POLR1A: variants seen among roughly 807,000 people sequenced by gnomAD.
POLR1A encodes the protein RNA polymerase I subunit A.
POLR1A carries 84 observed loss-of-function variants against 205.3 expected under a neutral mutation model. That is an observed-to-expected ratio of 0.41 (90% CI 0.34 to 0.49). POLR1A has a LOEUF of 0.49. Among genes scored for constraint, POLR1A ranks in the 20% least tolerant of loss-of-function variants. The probability of loss-of-function intolerance (pLI) is 0.22; values close to 1 mark genes in which losing one functional copy is unlikely to be tolerated. For synonymous variants in POLR1A, 799 were observed against 863.7 expected (o/e 0.93, Z 1.31); for missense variants, 1,645 against 2,204.5 (o/e 0.75, Z 5.08).
At chr2:86,069,207 T>C (rs1325003768) in intron 13 of POLR1A, among the ~76,000 whole-genome samples, 2 of 152,264 alleles carry the variant, frequency 1.3e-5, no homozygotes, top group African/African-American at 4.8e-5. Flanking sequence ...ACGATTATTC[T>C]TCATACTCCA....
chr2:86,055,229 A>G (rs1672875711), intron 14 of POLR1A, among the ~76,000 whole-genome samples: 1 of 151,870 alleles, frequency 6.6e-6, no homozygotes, highest in Non-Finnish European at 1.5e-5. Flanking sequence ...CAGAAGGCAG[A>G]GATTGCAGTT....
chr2:86,087,532 T>C (rs1673524305), intron 6 of POLR1A, among the ~76,000 whole-genome samples: 3 of 152,236 alleles, frequency 2.0e-5, no homozygotes, highest in African/African-American at 7.2e-5. Context: ...AAGTGACAAT[T>C]GCAGGTTGTG....
At chr2:86,050,029 T>G (rs1054998727) in intron 16 of POLR1A, among the ~76,000 whole-genome samples, 2 of 152,118 alleles carry the variant, frequency 1.3e-5, no homozygotes, top group African/African-American at 4.8e-5. Context: ...GTGATTCTCC[T>G]GCCTCAGCCT....
At chr2:86,058,950 C>T (rs1573816031) in intron 14 of POLR1A, among the ~76,000 whole-genome samples, 1 of 151,602 alleles carries the variant, frequency 6.6e-6, no homozygotes, top group South Asian at 2.1e-4. Context: ...AACACCAGCT[C>T]TACAATAATA....
intron 27 of POLR1A, among the ~76,000 whole-genome samples, chr2:86,037,279 A>G (rs1421323886): frequency 6.6e-6 from 1 of 152,242 alleles, no homozygotes; most frequent in Non-Finnish European, 1.5e-5. Context: ...GGTGCTCCTG[A>G]GGCCCAGCCA....
intron 6 of POLR1A, among the ~76,000 whole-genome samples, chr2:86,085,251 G>A (rs1272654512): frequency 1.3e-5 from 2 of 151,944 alleles, no homozygotes; most frequent in Admixed American, 6.6e-5. Context: ...GTAAGCCACC[G>A]TGCCCGGCCC....
At chr2:86,060,559 C>A (rs936579657) in intron 14 of POLR1A, among the ~76,000 whole-genome samples, 37 of 152,150 alleles carry the variant, frequency 2.4e-4, no homozygotes, top group Non-Finnish European at 5.9e-5. Flanking sequence ...TGGTTTGTGA[C>A]ACAGGAGTAC....
intron 25 of POLR1A, among the ~76,000 whole-genome samples, chr2:86,039,796 T>A (rs975424798): frequency 7.2e-5 from 11 of 152,236 alleles, no homozygotes; most frequent in Non-Finnish European, 1.5e-5. Context: ...GCACCCACAG[T>A]GCTCCTGCTG....
chr2:86,101,251 T>C (rs1477688129), intron 1 of POLR1A, among the ~76,000 whole-genome samples: 1 of 152,106 alleles, frequency 6.6e-6, no homozygotes, highest in Non-Finnish European at 1.5e-5. Flanking sequence ...CTAGAGGAAA[T>C]CCGAAGGCTG....
intron 22 of POLR1A, 129 bp downstream of exon 22, chr2:86,044,009 TA>T: frequency 1.3e-6 from 1 of 795,286 alleles, no homozygotes; most frequent in Non-Finnish European, 2.0e-6. Flanking sequence ...CGGTGTCTTA[TA>T]AACCCTTCCC....
chr2:86,100,707 G>T (rs904531107), intron 1 of POLR1A, among the ~76,000 whole-genome samples: 45 of 151,780 alleles, frequency 3.0e-4, no homozygotes, highest in Admixed American at 1.2e-3. Flanking sequence ...ACAATTTTTC[G>T]ATTAATATTT....
intron 21 of POLR1A, 24 bp from the exon 22 acceptor site, chr2:86,044,328 T>A (rs779753352): frequency 6.2e-7 from 1 of 1,612,950 alleles, no homozygotes; most frequent in East Asian, 2.2e-5. Context: ...ATCGGCTCAG[T>A]CCCCGCCGGC....
intron 18 of POLR1A, among the ~76,000 whole-genome samples, chr2:86,048,405 C>T (rs1300124969): frequency 6.6e-6 from 1 of 152,150 alleles, no homozygotes; most frequent in African/African-American, 2.4e-5. Flanking sequence ...GAGGTGGTGC[C>T]CCTCACAGCC....
At chr2:86,042,130 T>C in intron 23 of POLR1A, 27 bp from the exon 24 acceptor site, 11 of 1,512,390 alleles carry the variant, frequency 7.3e-6, no homozygotes, top group Non-Finnish European at 1.0e-5. Flanking sequence ...GTCTCAGCTA[T>C]GTGGGAGGGA....
intron 1 of POLR1A, among the ~76,000 whole-genome samples, chr2:86,103,692 A>G (rs1673864757): frequency 6.6e-6 from 1 of 152,226 alleles, no homozygotes; most frequent in Admixed American, 6.5e-5. Flanking sequence ...CCATTTATTC[A>G]GACTTGAGGA....
At chr2:86,104,793 T>C (rs1673889278) in intron 1 of POLR1A, among the ~76,000 whole-genome samples, 1 of 152,240 alleles carries the variant, frequency 6.6e-6, no homozygotes, top group Non-Finnish European at 1.5e-5. Flanking sequence ...GTTTTTGATA[T>C]GCATTTAAGA....
In POLR1A at chr2:86,058,345, C is replaced by T. The variant is rs143416485; in HGVS notation, c.2059-4056G>A. 4.5e-3 allele frequency among the ~76,000 whole-genome samples: 675 copies of T among 151,194 alleles called. 3 individuals are homozygous for T. Among genetic ancestry groups the T allele is most frequent in the Non-Finnish European group, 6.0e-3 (409 of 67,872 alleles). ...CAAACTCCTGATGTCGTGATCCGGC[C>T]GCCTTGGCCTCCCAAAGTGCTGGGA... On this transcript the variant is annotated intron_variant, in intron 14 of 33. Transcript: ENST00000263857.
In POLR1A at chr2:86,098,883, C is replaced by T. The variant is rs187119399; in HGVS notation, c.283-123G>A. 8.9e-4 allele frequency: 708 copies of T among 794,520 alleles called. 8 individuals are homozygous for T. Among genetic ancestry groups the T allele is most frequent in the Admixed American group, 2.2e-4 (8 of 36,020 alleles). The allele number at this position is 794,520 out of a possible 1,614,324, so 49.2% of individuals were successfully genotyped here. On this transcript the variant is annotated intron_variant, in intron 2 of 33. Coordinates refer to ENST00000263857, the MANE Select transcript of POLR1A (RefSeq NM_015425.6). ...TATTCCTTTAAAAACTCTACTTCAG[C>T]CTACATGCTTAGAAAGGCCTTTGTT...
Position 86,020,227 on chromosome 2 carries a change from G to A in POLR1A, c.*7196C>T, listed in dbSNP as rs1229481948. ...ATAACCAATAAACATGTGAAAAGAT[G>A]CTTAGATTTATTAATAGAGAATTGC... On this transcript the variant is annotated 3_prime_UTR_variant, in exon 34 of 34. Transcript: ENST00000263857. The A allele has an allele frequency of 6.6e-6, 1 of 152,204 alleles. No individual in the cohort carries two copies. The highest frequency in any genetic ancestry group is 2.4e-5 in the African/African-American group (1 of 41,444). 9.4% of individuals were successfully genotyped at this position (152,204 alleles called of 1,614,324 possible).
Sources: allele counts gnomAD v4.1 joint callset (sites outside exome capture counted in the v4.1 genomes callset), GRCh38; gene constraint gnomAD v4.1.1; transcripts MANE v1.5; gene names NCBI Gene and HGNC (gene_info 2026-07-23, HGNC 2026-07-21).